MACF1: variants seen among roughly 807,000 people sequenced by gnomAD.
The protein encoded by MACF1 is microtubule actin crosslinking factor 1.
Under a neutral mutation model 854.8 loss-of-function variants are expected in MACF1, and 193 were observed. That is an observed-to-expected ratio of 0.23 (90% confidence interval 0.20 to 0.25). The LOEUF is 0.25. Among genes scored for constraint, MACF1 ranks in the 10% least tolerant of loss-of-function variants. MACF1 has a pLI of 1.00. For synonymous variants in MACF1, 3,185 were observed against 3,226.7 expected (o/e 0.99, Z 0.44); for missense variants, 7,722 against 8,929.1 (o/e 0.86, Z 5.45).
chr1:39,450,378 G>A (rs1375803424), intron 84 of MACF1, among the ~76,000 whole-genome samples: 1 of 151,830 alleles, frequency 6.6e-6, no homozygotes, highest in Non-Finnish European at 1.5e-5. Context: ...CTGATACAGA[G>A]CTAGGAGTTG....
chr1:39,327,465 A>G (rs1214074455), intron 36 of MACF1, 112 bp downstream of exon 36: 1 of 1,150,274 alleles, frequency 8.7e-7, no homozygotes, highest in African/African-American at 1.5e-5. Context: ...AATGTGACTT[A>G]ATTTTTAACC....
At chr1:39,238,940 C>G (rs1054053648) in intron 2 of MACF1, among the ~76,000 whole-genome samples, 2 of 152,140 alleles carry the variant, frequency 1.3e-5, no homozygotes, top group Non-Finnish European at 2.9e-5. Context: ...TCCCCAAGTA[C>G]ACCCCAGATT....
At chr1:39,400,762 C>A (rs1016520168) in intron 58 of MACF1, among the ~76,000 whole-genome samples, 2 of 152,132 alleles carry the variant, frequency 1.3e-5, no homozygotes, top group Non-Finnish European at 2.9e-5. Flanking sequence ...CCCACCTCAG[C>A]CTCCCAAAAT....
At chr1:39,439,627 T>C in intron 72 of MACF1, 127 bp downstream of exon 72, 1 of 735,558 alleles carries the variant, frequency 1.4e-6, no homozygotes. Flanking sequence ...GTTTTTGTTT[T>C]TGTTTTTTGC....
chr1:39,195,392 A>G (rs1021681536), intron 2 of MACF1, among the ~76,000 whole-genome samples: 1 of 152,180 alleles, frequency 6.6e-6, no homozygotes, highest in Non-Finnish European at 1.5e-5. Context: ...TCATTTATTA[A>G]TTTGCTCATT....
At chr1:39,153,773 G>C (rs1406723580) in intron 2 of MACF1, among the ~76,000 whole-genome samples, 1 of 152,174 alleles carries the variant, frequency 6.6e-6, no homozygotes, top group African/African-American at 2.4e-5. Context: ...GGCAGCTGTG[G>C]CCCTGGGGAC....
At chr1:39,182,542 A>C (rs1644118626) in intron 2 of MACF1, among the ~76,000 whole-genome samples, 1 of 152,226 alleles carries the variant, frequency 6.6e-6, no homozygotes, top group South Asian at 2.1e-4. Context: ...AAATGGGCAA[A>C]GGATTTATAT....
chr1:39,433,815 C>T (rs1643915774), intron 68 of MACF1, among the ~76,000 whole-genome samples: 1 of 152,142 alleles, frequency 6.6e-6, no homozygotes, highest in Admixed American at 6.5e-5. Context: ...CACGGTGGCT[C>T]ACGCCTGTAA....
chr1:39,157,622 T>C (rs895770049), intron 2 of MACF1, among the ~76,000 whole-genome samples: 1 of 152,236 alleles, frequency 6.6e-6, no homozygotes, highest in African/African-American at 2.4e-5. Context: ...TTTTTCAAGC[T>C]CAGATTTGGG....
chr1:39,230,841 T>C (rs943391208), intron 1 of MACF1, among the ~76,000 whole-genome samples: 1 of 152,158 alleles, frequency 6.6e-6, no homozygotes, highest in Non-Finnish European at 1.5e-5. Context: ...AAGGCCACCC[T>C]GTCTGTTGGT....
chr1:39,202,470 A>AT (rs1644403146), upstream of MACF1, among the ~76,000 whole-genome samples: 3 of 151,428 alleles, frequency 2.0e-5, no homozygotes, highest in Admixed American at 6.6e-5. Context: ...CCCCATCTCT[A>AT]CTAAAAATAG....
chr1:39,378,835 G>T (rs1191528012), intron 53 of MACF1, among the ~76,000 whole-genome samples: 1 of 152,176 alleles, frequency 6.6e-6, no homozygotes, highest in Non-Finnish European at 1.5e-5. Flanking sequence ...ATCTAGTCTA[G>T]CTCTCAGCCT....
At chr1:39,461,791 CAAAAAAAA>C (rs59393084) in intron 92 of MACF1, 84 bp from the exon 93 acceptor site, 126 of 350,856 alleles carry the variant, frequency 3.6e-4, no homozygotes, top group South Asian at 8.8e-4. Context: ...GACCTTGTCT[CAAAAAAAA>C]AAAAAAAAAA....
rs1318029963 is a variant in MACF1 at position 39,084,739 on chromosome 1, A to G, written c.220+301A>G. 6.6e-6 allele frequency among the ~76,000 whole-genome samples: 1 copy of G among 152,146 alleles called. No homozygotes were observed. Among genetic ancestry groups the G allele is most frequent in the East Asian group, 1.9e-4 (1 of 5,192 alleles). On this transcript the variant is annotated intron_variant, in intron 2 of 93. Transcript: ENST00000361689. This position sits in a 1 kb window ranked among gnomAD's most constrained non-coding sequence, Gnocchi z 5.2. ...CAGTTGCCTTCATGGCTTAGGTACC[A>G]TTCTGCATCTGACTCTTTTCAGTTA... is the stretch of plus-strand genomic sequence containing the variant.
chr1:39,198,367 G>A (rs1208423557), intron 2 of MACF1, among the ~76,000 whole-genome samples: 1 of 151,122 alleles, frequency 6.6e-6, no homozygotes, highest in Non-Finnish European at 1.5e-5. Flanking sequence ...AAATTAGCTG[G>A]GCGTGCCGGG....
In MACF1 at chr1:39,334,897, G is replaced by C. The variant is rs772100536; in HGVS notation, c.8309G>C (p.Arg2770Thr). 3.7e-6 allele frequency: 6 copies of C among 1,614,028 alleles called. No individual in the cohort carries two copies. The African/African-American group carries it at 5.3e-5, about 14-fold the overall frequency. ...QIDSSEFSDH[R>T]AQIEKQEGIE... ...GATAGTTCAGAGTTCAGCGATCACA[G>C]GGCTCAGATTGAAAAGCAAGAAGGG... The change falls in exon 37 of 101, where the codon AGG (arginine) becomes ACG (threonine). Residue 2770 changes from arginine to threonine, a missense_variant. Transcript: ENST00000564288.
intron 58 of MACF1, among the ~76,000 whole-genome samples, chr1:39,419,958 T>A (rs1174300367): frequency 6.6e-6 from 1 of 152,112 alleles, no homozygotes; most frequent in Non-Finnish European, 1.5e-5. Context: ...ATGAGCCACT[T>A]GCCTAGCCTA....
At chr1:39,154,387 G>C (rs1272455095) in intron 2 of MACF1, 2 of 152,118 alleles carry the variant, frequency 1.3e-5, no homozygotes, top group Non-Finnish European at 2.9e-5. Context: ...CTCCTACCTG[G>C]TAAGCATTCA....
intron 57 of MACF1, among the ~76,000 whole-genome samples, chr1:39,386,942 T>G (rs1371619016): frequency 1.3e-5 from 2 of 152,246 alleles, no homozygotes; most frequent in Non-Finnish European, 1.5e-5. Flanking sequence ...TGGAACTGTT[T>G]ATGACTTTCA....
Sources: gnomAD v4.1 joint callset for allele counts (sites outside exome capture counted in the v4.1 genomes callset) on GRCh38, gnomAD v4.1.1 for gene constraint, Gnocchi (gnomAD v3.1) non-coding constraint, MANE v1.5 for transcripts, NCBI Gene and HGNC (gene_info 2026-07-23, HGNC 2026-07-21) for gene names.